Variants in DND1 observed in about 807,000 individuals in gnomAD.
The protein encoded by DND1 is dead end protein homolog 1.
DND1 carries 6 observed loss-of-function variants against 30.4 expected under a neutral mutation model. That is an observed-to-expected ratio of 0.20 (90% CI 0.11 to 0.39). The LOEUF is 0.39. Among genes scored for constraint, DND1 ranks in the 10% least tolerant of loss-of-function variants. The pLI is 1.00. For missense variants in DND1, 358 were observed against 474.9 expected (o/e 0.75, Z 2.29); for synonymous variants, 178 against 210.4 (o/e 0.85, Z 1.33).
intron 3 of DND1, 186 bp from the exon 4 acceptor site, chr5:140,671,936 T>C: frequency 1.5e-6 from 1 of 666,986 alleles, no homozygotes; most frequent in Non-Finnish European, 2.6e-6. Flanking sequence ...TATAACACAC[T>C]GCTACCTTAC....
Position 140,672,824 on chromosome 5 carries a change from G to A in DND1, c.225C>T (p.Ile75=), listed in dbSNP as rs1319202279. 1 of 1,558,924 alleles carries A rather than the reference G, an allele frequency of 6.4e-7. No homozygotes were observed. Among genetic ancestry groups the A allele is most frequent in the Non-Finnish European group, 8.6e-7 (1 of 1,159,008 alleles). ...GGCGGCCCACGCGCTGGAACAGCGG[G>A]ATAAGCTGGTGCTCGTACACGTCCT... ...LPQDVYEHQL[I]PLFQRVGRLY... is the part of the protein sequence containing the mutation. Residue 75 remains isoleucine (I), a synonymous_variant, in exon 3 of 4, where the codon ATC becomes ATT. Transcript: ENST00000542735.
chr5:140,673,535 G>A lies in DND1; in HGVS notation c.8C>T (p.Ser3Phe). The change falls in exon 1 of 4, where the codon TCC (serine) becomes TTC (phenylalanine). Residue 3 changes from serine to phenylalanine, a missense_variant. Ser to Phe is a radical substitution (Grantham distance 155). Transcript: ENST00000542735. Reference sequence around the variant, plus strand: ...GCCGCTTACCTCACAATCCCGCTTGGACTGCATGGCTCTCCAGCTGGCCCC... The same window carrying A: ...GCCGCTTACCTCACAATCCCGCTTGAACTGCATGGCTCTCCAGCTGGCCCC... MQ[S>F]KRDCELWCER... The A allele has an allele frequency of 1.9e-6, 3 of 1,584,624 alleles. No homozygotes were observed. The highest frequency in any genetic ancestry group is 2.7e-5 in the African/African-American group (2 of 74,144).
intron 3 of DND1, chr5:140,672,086 T>C: frequency 1.8e-6 from 1 of 544,288 alleles, no homozygotes; most frequent in South Asian, 2.1e-5. Context: ...TACTTAATTC[T>C]CATAACAGTC....
In DND1 at chr5:140,670,993, G is replaced by T; in HGVS notation, c.*300C>A. ...ATAAAGAAGATTCATGCTAAGCTGTGGCAGAGGGGGGAAGGTATGATCGGG... is the reference window on the plus strand; with the variant it reads ...ATAAAGAAGATTCATGCTAAGCTGTTGCAGAGGGGGGAAGGTATGATCGGG... On this transcript the variant is annotated 3_prime_UTR_variant, in exon 4 of 4. Transcript: ENST00000542735. 2.0e-6 allele frequency: 1 copy of T among 508,344 alleles called. No individual in the cohort carries two copies. The highest frequency in any genetic ancestry group is 3.6e-6 in the Non-Finnish European group (1 of 278,782). 31.5% of individuals were successfully genotyped at this position (508,344 alleles called of 1,614,324 possible).
Position 140,673,395 on chromosome 5 carries a change from G to A in DND1, c.25-7C>T, listed in dbSNP as rs1023496878. 1.9e-6 allele frequency: 3 copies of A among 1,614,136 alleles called. No individual in the cohort carries two copies. The highest frequency in any genetic ancestry group is 1.7e-6 in the Non-Finnish European group (2 of 1,179,986). On this transcript the variant is annotated splice_region_variant and splice_polypyrimidine_tract_variant and intron_variant, in intron 1 of 3. Transcript: ENST00000542735. ...TCACCCTCTCACACCACAGCTGAGAGGGAAAGGAAGGTTGGAATGGCGGAT... is the reference window on the plus strand; with the variant it reads ...TCACCCTCTCACACCACAGCTGAGAAGGAAAGGAAGGTTGGAATGGCGGAT...
Position 140,671,580 on chromosome 5 carries a change from G to A in DND1, c.775C>T (p.Leu259=), listed in dbSNP as rs1758075795. Residue 259 remains leucine (L), a synonymous_variant, in exon 4 of 4, where the codon CTG becomes TTG. Transcript: ENST00000542735. ...TTCATTCGTTGGCACAGCAACTGCAGGGTAGCCCGAGCCCCTTGGAACCCT... is the reference window on the plus strand; with the variant it reads ...TTCATTCGTTGGCACAGCAACTGCAAGGTAGCCCGAGCCCCTTGGAACCCT... ...KLGFQGARAT[L]QLLCQRMKLG... The A allele has an allele frequency of 1.3e-6, 2 of 1,567,614 alleles. No homozygotes were observed. Among genetic ancestry groups the A allele is most frequent in the African/African-American group, 2.7e-5 (2 of 73,618 alleles).
At position 140,672,892 on chromosome 5, in the gene DND1, G is replaced by A; in HGVS notation, c.157C>T (p.Pro53Ser). The A allele has an allele frequency of 6.5e-7, 1 of 1,538,168 alleles. No individual in the cohort carries two copies. Among genetic ancestry groups the A allele is most frequent in the Non-Finnish European group, 8.7e-7 (1 of 1,147,512 alleles). The stretch of plus-strand genomic sequence containing the variant: ...AACACCTCTGACCCAGCTGGCGGCG[G>A]GCTGCCCACCCAGCCTGTGGGAAGA... ...GGPPPGWVGSPPPAGSEVFIG... is the reference protein window; with the variant it reads ...GGPPPGWVGSSPPAGSEVFIG... The change falls in exon 3 of 4, where the codon CCG becomes TCG. Residue 53 changes from proline (P) to serine (S), a missense_variant. By Grantham distance (74) the Pro-to-Ser change is moderately conservative (BLOSUM62 -1). Around this residue, in one of 3 missense-constraint regions of DND1, gnomAD observed 120 missense variants for 199.1 expected, o/e 0.60. Coordinates refer to ENST00000542735, the MANE Select transcript of DND1 (RefSeq NM_194249.3).
In DND1 at chr5:140,671,705, T is replaced by C. The variant is rs774939347; in HGVS notation, c.650A>G (p.Lys217Arg). The change falls in exon 4 of 4, where the codon AAG becomes AGG. Residue 217 changes from lysine to arginine, a missense_variant. Coordinates refer to ENST00000542735, the MANE Select transcript of DND1 (RefSeq NM_194249.3). ...CGEQVAVEWLKPDLKQRLRQQ... is the reference protein window; with the variant it reads ...CGEQVAVEWLRPDLKQRLRQQ... ...GCGAAGTCGCTGCTTCAGGTCTGGC[T>C]TGAGCCACTCCACAGCCACCTGCTC... 20 of 1,585,050 alleles carry C rather than the reference T, an allele frequency of 1.3e-5. No individual in the cohort carries two copies. Among genetic ancestry groups the C allele is most frequent in the African/African-American group, 2.7e-5 (2 of 74,614 alleles).
intron 2 of DND1, 140 bp from the exon 3 acceptor site, chr5:140,673,046 A>G (rs1405504987): frequency 3.6e-6 from 4 of 1,103,174 alleles, no homozygotes; most frequent in African/African-American, 1.5e-5. Context: ...GGTGGTTGGC[A>G]TAATTAGGTG....
In DND1 at chr5:140,672,562, G is replaced by T. The variant is rs762567505; in HGVS notation, c.487C>A (p.Pro163Thr). 1 of 1,584,986 alleles carries T rather than the reference G, an allele frequency of 6.3e-7. No homozygotes were observed. Among genetic ancestry groups the T allele is most frequent in the Non-Finnish European group, 8.5e-7 (1 of 1,171,116 alleles). Residue 163 changes from proline (P) to threonine (T), a missense_variant, in exon 3 of 4, where the codon CCC (proline) becomes ACC (threonine). By Grantham distance (38) the Pro-to-Thr change is conservative. Transcript: ENST00000542735. The part of the protein sequence containing the change: ...ALLLALQPLG[P>T]GLQEARLLPS... Reference sequence around the variant, plus strand: ...AGCAGCCGCGCCTCCTGCAAGCCGGGACCCAGCGGCTGCAGCGCGAGCAGC... The same window carrying T: ...AGCAGCCGCGCCTCCTGCAAGCCGGTACCCAGCGGCTGCAGCGCGAGCAGC...
At chr5:140,673,446 GTGGTACTGGGGTCCCTAAAGCC>G (rs1389545933) in intron 1 of DND1, 51 bp downstream of exon 1, 1 of 1,613,454 alleles carries the variant, frequency 6.2e-7, no homozygotes, top group Admixed American at 1.7e-5. Flanking sequence ...CACCTCTCCT[GTGGTACTGGGGTCCCTAAAGCC>G]GACCCCCGCT....
chr5:140,672,933 C>G, intron 2 of DND1, 27 bp from the exon 3 acceptor site: 1 of 1,535,920 alleles, frequency 6.5e-7, no homozygotes, highest in Non-Finnish European at 8.7e-7. Context: ...TGCAAGGCCA[C>G]CGTCAGGCGA....
At chr5:140,672,196 A>C in intron 3 of DND1, 2 of 579,014 alleles carry the variant, frequency 3.5e-6, no homozygotes, top group Non-Finnish European at 6.1e-6. Context: ...TCCTGTGCCT[A>C]TTTTGCGGTG....
At chr5:140,671,880 A>G (rs1239523214) in intron 3 of DND1, 130 bp from the exon 4 acceptor site, 1 of 1,026,460 alleles carries the variant, frequency 9.7e-7, no homozygotes, top group African/African-American at 1.6e-5. Flanking sequence ...GACCATGGGT[A>G]AGAAAAGACA....
chr5:140,671,191 C>T lies in DND1; in HGVS notation c.*102G>A. On this transcript the variant is annotated 3_prime_UTR_variant, in exon 4 of 4. Coordinates refer to ENST00000542735, the MANE Select transcript of DND1 (RefSeq NM_194249.3). The stretch of plus-strand genomic sequence containing the variant: ...TGATGGGCCTGGGCCCATGCCCCTC[C>T]CCACCTTTGGGGGTCAGAAAGTGGC... 1 of 1,487,522 alleles carries T rather than the reference C, an allele frequency of 6.7e-7. No individual in the cohort carries two copies. Among genetic ancestry groups the T allele is most frequent in the Non-Finnish European group, 9.3e-7 (1 of 1,071,246 alleles). 92.1% of individuals were successfully genotyped at this position (1,487,522 alleles called of 1,614,324 possible). A position where few individuals can be genotyped will look rare whatever the true frequency, so the allele number is the denominator to read the frequency against.
At chr5:140,671,780 G>C (rs1012474569) in intron 3 of DND1, 30 bp from the exon 4 acceptor site, 4 of 1,553,552 alleles carry the variant, frequency 2.6e-6, no homozygotes, top group Non-Finnish European at 3.5e-6. Flanking sequence ...ACAAGGGCAG[G>C]TCTAAACCCT....
chr5:140,673,115 T>A (rs1758138247), intron 2 of DND1, 156 bp downstream of exon 2: 6 of 1,031,536 alleles, frequency 5.8e-6, no homozygotes, highest in Middle Eastern at 2.9e-4. Context: ...GCCCCCTCCC[T>A]CGACGGGGCG....
In DND1 at chr5:140,671,343, T is replaced by C; in HGVS notation, c.1012A>G (p.Asn338Asp). ...TCAGCCCCAGCAGACCACAGGAGGT[T>C]GGCCCCAGACTCACTGAGTGCCTGC... ...LLQALSESGA[N>D]LLWSAGAEAG... The change falls in exon 4 of 4, where the codon AAC becomes GAC. Residue 338 changes from asparagine to aspartate, a missense_variant. By Grantham distance (23) the Asn-to-Asp change is conservative. Around this residue, in one of 3 missense-constraint regions of DND1, gnomAD observed 176 missense variants for 235.2 expected, o/e 0.75. Coordinates refer to ENST00000542735, the MANE Select transcript of DND1 (RefSeq NM_194249.3). The C allele has an allele frequency of 6.2e-7, 1 of 1,612,876 alleles. No individual in the cohort carries two copies. The highest frequency in any genetic ancestry group is 8.5e-7 in the Non-Finnish European group (1 of 1,179,924).
In DND1 at chr5:140,672,544, G is replaced by A. The variant is rs1261496372; in HGVS notation, c.505C>T (p.Arg169Trp). 3.1e-6 allele frequency: 5 copies of A among 1,588,758 alleles called. No individual in the cohort carries two copies. Among genetic ancestry groups the A allele is most frequent in the East Asian group, 2.3e-5 (1 of 44,104 alleles). Residue 169 changes from arginine (R) to tryptophan (W), a missense_variant, in exon 3 of 4, where the codon CGG becomes TGG. Physicochemically the swap from Arg to Trp is moderately radical, Grantham distance 101 (BLOSUM62 -3). Transcript: ENST00000542735. ...QPLGPGLQEA[R>W]LLPSPGPAPG... The stretch of plus-strand genomic sequence containing the variant: ...GCCGGTCCGGGGCTGGGCAGCAGCC[G>A]CGCCTCCTGCAAGCCGGGACCCAGC...
Sources: allele counts gnomAD v4.1 joint callset, GRCh38; gene constraint gnomAD v4.1.1; regional missense constraint gnomAD v4.1.1; transcripts MANE v1.5; gene names NCBI Gene and HGNC (gene_info 2026-07-23, HGNC 2026-07-21).